The following PDE8B variants were observed in gnomAD, a reference collection of about 807,000 sequenced individuals.
PDE8B encodes high affinity cAMP-specific and IBMX-insensitive 3',5'-cyclic phosphodiesterase 8B.
A neutral mutation model predicts 101.3 loss-of-function variants in PDE8B; 26 were observed. That is an observed-to-expected ratio of 0.26 (90% confidence interval 0.19 to 0.36). The LOEUF (loss-of-function observed/expected upper bound fraction) is 0.36. Ranked by LOEUF, PDE8B falls within the 10% of genes least tolerant of loss-of-function variation. PDE8B has a pLI of 1.00. For synonymous variants in PDE8B, 424 were observed against 429.3 expected, an observed-to-expected ratio of 0.99 and a Z score of 0.15; for missense variants, 810 against 1,163.1, an observed-to-expected ratio of 0.70 and a Z score of 4.42.
At chr5:77,280,062 G>A (rs1219060603) in intron 1 of PDE8B, among the ~76,000 whole-genome samples, 1 of 152,214 alleles carries the variant, frequency 6.6e-6, no homozygotes, top group Non-Finnish European at 1.5e-5. Context: ...GGTGTGCATT[G>A]AGGAAGTGCA....
At position 77,416,003 on chromosome 5, in the gene PDE8B, C is replaced by T. The variant is rs1053353747; in HGVS notation, c.1912-2226C>T. On this transcript the variant is annotated intron_variant, in intron 17 of 21. Transcript: ENST00000264917. ...CACGGGACTGGAATTTCGCCAGTTG[C>T]GGGTTTGGTGGGGTTTTCTTCCATG... Among the ~76,000 whole-genome samples the T allele has an allele frequency of 2.0e-4, 31 of 152,160 alleles. 1 individual carries two copies. The highest frequency in any genetic ancestry group is 7.3e-5 in the Non-Finnish European group (5 of 68,028).
intron 5 of PDE8B, among the ~76,000 whole-genome samples, chr5:77,332,611 G>A (rs1777352361): frequency 6.6e-6 from 1 of 152,176 alleles, no homozygotes; most frequent in Non-Finnish European, 1.5e-5. Context: ...GCCAAGGCAG[G>A]CAGATCACCT....
chr5:77,136,858 A>G, the PDE8B span, among the ~76,000 whole-genome samples: 2 of 152,186 alleles, frequency 1.3e-5, no homozygotes, highest in Admixed American at 1.3e-4. Context: ...TCCTCCAAAA[A>G]TATTTGTAAG....
At chr5:77,407,257 T>C (rs1318790423) in intron 12 of PDE8B, 124 bp from the exon 13 acceptor site, 4 of 776,930 alleles carry the variant, frequency 5.1e-6, no homozygotes, top group Non-Finnish European at 9.2e-6. Flanking sequence ...GGTGAATTCA[T>C]GGCTTTTTAG....
At chr5:77,100,933 C>T in the PDE8B span, among the ~76,000 whole-genome samples, 1 of 151,602 alleles carries the variant, frequency 6.6e-6, no homozygotes, top group African/African-American at 2.4e-5. Flanking sequence ...AGTAGTAAGC[C>T]CCAACTCCCA....
chr5:77,272,529 G>A (rs940843192), intron 1 of PDE8B, among the ~76,000 whole-genome samples: 3 of 152,146 alleles, frequency 2.0e-5, no homozygotes, highest in Admixed American at 2.0e-4. Context: ...TTTGAGAGCT[G>A]CCTCTTCCAG....
At chr5:77,279,287 C>T (rs1158045403) in intron 1 of PDE8B, among the ~76,000 whole-genome samples, 1 of 152,138 alleles carries the variant, frequency 6.6e-6, no homozygotes, top group Non-Finnish European at 1.5e-5. Flanking sequence ...ATGACTTGAA[C>T]AAAAGTTGCT....
At chr5:77,233,699 T>TGTGC (rs979930633) in intron 1 of PDE8B, among the ~76,000 whole-genome samples, 173 of 146,990 alleles carry the variant, frequency 1.2e-3, no homozygotes, top group African/African-American at 4.0e-3. Flanking sequence ...TGTGTGTGTG[T>TGTGC]GCAGTAGACT....
chr5:77,126,892 G>A, the PDE8B span, among the ~76,000 whole-genome samples: 2,195 of 152,114 alleles, frequency 0.014, 21 homozygotes, highest in Middle Eastern at 0.034. Flanking sequence ...TAGTGCTATG[G>A]CAAGCTCCAG....
chr5:77,258,930 A>G (rs1399599022), intron 1 of PDE8B, among the ~76,000 whole-genome samples: 1 of 151,974 alleles, frequency 6.6e-6, no homozygotes, highest in African/African-American at 2.4e-5. Flanking sequence ...GCAAAAAGGG[A>G]GAAATTGGTT....
intron 6 of PDE8B, among the ~76,000 whole-genome samples, chr5:77,338,713 A>G (rs1778626776): frequency 6.6e-6 from 1 of 152,228 alleles, no homozygotes; most frequent in African/African-American, 2.4e-5. Context: ...GAAGGTTAAA[A>G]GACTTAGTAC....
chr5:77,099,610 CT>C, the PDE8B span, among the ~76,000 whole-genome samples: 610 of 146,898 alleles, frequency 4.2e-3, 8 homozygotes, highest in Middle Eastern at 0.021. Flanking sequence ...CTTTTCTTTT[CT>C]TTTTTTTTTT....
At chr5:77,355,745 T>C (rs544663644) in intron 10 of PDE8B, among the ~76,000 whole-genome samples, 2 of 152,324 alleles carry the variant, frequency 1.3e-5, no homozygotes, top group South Asian at 4.1e-4. Flanking sequence ...GCCCCCAATG[T>C]CAGGGAGGCC....
the PDE8B span, among the ~76,000 whole-genome samples, chr5:77,199,358 TAGG>T: frequency 6.6e-6 from 1 of 152,202 alleles, no homozygotes; most frequent in African/African-American, 2.4e-5. Context: ...ACAAAAGTGT[TAGG>T]AGAAGGAAAA....
At position 77,222,042 on chromosome 5, in the gene PDE8B, C is replaced by T. The variant is rs531581964; in HGVS notation, c.339+10778C>T. Reference sequence around the variant, plus strand: ...TTTGAAAGGAGGCATTTCACAAGGCCCCCTTGCAGCTCCTTTGCTATAATT... The same window carrying T: ...TTTGAAAGGAGGCATTTCACAAGGCTCCCTTGCAGCTCCTTTGCTATAATT... On this transcript the variant is annotated intron_variant, in intron 1 of 21. Transcript: ENST00000264917. Among the ~76,000 whole-genome samples the T allele has an allele frequency of 3.9e-5, 6 of 152,250 alleles. No homozygotes were observed. In the East Asian group the frequency reaches 5.8e-4, roughly 15 times the overall value.
At chr5:77,323,617 T>A (rs1172912419) in intron 2 of PDE8B, among the ~76,000 whole-genome samples, 2 of 152,138 alleles carry the variant, frequency 1.3e-5, no homozygotes, top group Non-Finnish European at 2.9e-5. Context: ...GTGAGTTTCA[T>A]TATATTATTG....
intron 1 of PDE8B, among the ~76,000 whole-genome samples, chr5:77,261,188 C>G (rs1351642670): frequency 1.3e-5 from 2 of 152,162 alleles, no homozygotes; most frequent in Non-Finnish European, 2.9e-5. Flanking sequence ...TCAGAATTCT[C>G]TAGAGGAGGT....
chr5:77,131,268 T>G, the PDE8B span: 2 of 152,242 alleles, frequency 1.3e-5, no homozygotes, highest in Admixed American at 6.5e-5. Flanking sequence ...AAGAGAACAT[T>G]GTGTATCATC....
the PDE8B span, chr5:77,088,621 C>T: frequency 6.6e-6 from 1 of 152,202 alleles, no homozygotes; most frequent in East Asian, 1.9e-4. Flanking sequence ...TTTAACCGTC[C>T]AGCGGTGGAT....
Sources: allele counts gnomAD v4.1 joint callset (sites outside exome capture counted in the v4.1 genomes callset), GRCh38; gene constraint gnomAD v4.1.1; transcripts MANE v1.5; gene names NCBI Gene and HGNC (gene_info 2026-07-23, HGNC 2026-07-21).